Variants in TGFB2 observed in about 807,000 individuals in gnomAD.
TGFB2 encodes the protein transforming growth factor beta 2.
Under a neutral mutation model 42.7 loss-of-function variants are expected in TGFB2, and 13 were observed. The ratio of observed to expected loss-of-function variants is 0.30; its 90% confidence interval spans 0.20 to 0.48. The LOEUF is 0.48. Ranked by LOEUF, TGFB2 falls within the 20% of genes least tolerant of loss-of-function variation. TGFB2 has a pLI of 0.99. For missense variants in TGFB2, 390 were observed against 517.5 expected (o/e 0.75, Z 2.39); for synonymous variants, 193 against 193.6 (o/e 1.00, Z 0.03).
intron 1 of TGFB2, among the ~76,000 whole-genome samples, chr1:218,395,931 G>T (rs1436391882): frequency 6.6e-6 from 1 of 152,112 alleles, no homozygotes; most frequent in Non-Finnish European, 1.5e-5. Context: ...CTTTATCTGT[G>T]AAATGGGGAT....
Position 218,346,990 on chromosome 1 carries a change from G to C in TGFB2, c.289G>C (p.Glu97Gln). The change falls in exon 1 of 7, where the codon GAG becomes CAG. Residue 97 changes from glutamate to glutamine, a missense_variant. Coordinates refer to ENST00000366930, the MANE Select transcript of TGFB2 (RefSeq NM_003238.6). The surrounding 1 kb of genome is among the most constrained non-coding windows in gnomAD (Gnocchi z 4.9). ...AACERERSDE[E>Q]YYAKEVYKID... ...CTGCGAGCGCGAGAGGAGCGACGAA[G>C]AGTACTACGCCAAGGAGGTTTACAA... 1.9e-6 allele frequency: 3 copies of C among 1,612,718 alleles called. No homozygotes were observed. Among genetic ancestry groups the C allele is most frequent in the Non-Finnish European group, 2.5e-6 (3 of 1,179,368 alleles).
intron 2 of TGFB2, among the ~76,000 whole-genome samples, chr1:218,406,069 T>C (rs924785532): frequency 6.6e-6 from 1 of 152,100 alleles, no homozygotes; most frequent in African/African-American, 2.4e-5. Flanking sequence ...TGTTTTCTTA[T>C]TGTCTTCTCT....
chr1:218,381,804 A>G (rs1657970344), intron 1 of TGFB2, among the ~76,000 whole-genome samples: 1 of 152,078 alleles, frequency 6.6e-6, no homozygotes, highest in African/African-American at 2.4e-5. Context: ...GTAGTAGATG[A>G]GATAGTGCTA....
chr1:218,383,687 G>T (rs1439518758), intron 1 of TGFB2, among the ~76,000 whole-genome samples: 1 of 152,178 alleles, frequency 6.6e-6, no homozygotes, highest in Non-Finnish European at 1.5e-5. Context: ...TTTACTGAAG[G>T]ATTTTCACAC....
At chr1:218,407,002 AT>A (rs1242314815) in intron 2 of TGFB2, among the ~76,000 whole-genome samples, 1 of 152,212 alleles carries the variant, frequency 6.6e-6, no homozygotes, top group African/African-American at 2.4e-5. Context: ...TAGGATCAAA[AT>A]TTTCTTTGTA....
chr1:218,428,379 CTTTTGGTGT>C (rs1399997318), intron 2 of TGFB2, among the ~76,000 whole-genome samples: 1 of 152,142 alleles, frequency 6.6e-6, no homozygotes, highest in Non-Finnish European at 1.5e-5. Flanking sequence ...GTTGCCATTG[CTTTTGGTGT>C]TTTAGACATG....
intron 2 of TGFB2, among the ~76,000 whole-genome samples, chr1:218,413,643 G>C (rs1659176439): frequency 6.6e-6 from 1 of 152,210 alleles, no homozygotes; most frequent in Non-Finnish European, 1.5e-5. Flanking sequence ...TGGTGTAAAA[G>C]TGACTCAACT....
At chr1:218,432,350 T>G (rs562403447) in intron 2 of TGFB2, among the ~76,000 whole-genome samples, 8 of 152,236 alleles carry the variant, frequency 5.3e-5, no homozygotes, top group Admixed American at 2.0e-4. Flanking sequence ...GAGCCATTGT[T>G]GCCTCCACAT....
chr1:218,434,492 A>T, intron 4 of TGFB2, 44 bp downstream of exon 4: 1 of 1,224,924 alleles, frequency 8.2e-7, no homozygotes, highest in Non-Finnish European at 1.2e-6. Context: ...GGAAGGGTCT[A>T]TATTGATAAT....
intron 1 of TGFB2, among the ~76,000 whole-genome samples, chr1:218,348,961 C>T (rs1028900012): frequency 1.7e-4 from 26 of 152,160 alleles, no homozygotes; most frequent in Admixed American, 6.5e-4. Context: ...TTCTCTGAAG[C>T]ACACTTCAGT....
intron 4 of TGFB2, 97 bp from the exon 5 acceptor site, chr1:218,435,873 C>T: frequency 8.0e-7 from 1 of 1,249,456 alleles, no homozygotes; most frequent in Non-Finnish European, 1.1e-6. Context: ...GTGGTCATCA[C>T]TGCTATTTGT....
intron 4 of TGFB2, 102 bp downstream of exon 4, chr1:218,434,550 G>C: frequency 1.4e-6 from 1 of 728,158 alleles, no homozygotes; most frequent in Non-Finnish European, 2.3e-6. Flanking sequence ...GACTGGTAAG[G>C]CCTGGGGAGT....
chr1:218,367,959 C>G (rs572052318), intron 1 of TGFB2, among the ~76,000 whole-genome samples: 1 of 152,070 alleles, frequency 6.6e-6, no homozygotes, highest in Non-Finnish European at 1.5e-5. Context: ...CACGCCGCCA[C>G]TCCCAGCTAA....
rs116351228 is a variant in TGFB2 at position 218,413,515 on chromosome 1, T to C, written c.510+8183T>C. On this transcript the variant is annotated intron_variant, in intron 2 of 6. Transcript: ENST00000366930. ...TCTACAGAGAGGCAGGGCATCCAGC[T>C]TCAGCTGAAGCCACCGCTAGCATGG... Among the ~76,000 whole-genome samples, 1,360 of 152,316 alleles carry C rather than the reference T, an allele frequency of 8.9e-3. 17 individuals carry two copies. Among genetic ancestry groups the C allele is most frequent in the African/African-American group, 0.031 (1,272 of 41,578 alleles).
chr1:218,388,643 C>T (rs1225748317), intron 1 of TGFB2, among the ~76,000 whole-genome samples: 1 of 152,196 alleles, frequency 6.6e-6, no homozygotes, highest in East Asian at 1.9e-4. Context: ...ATGTCGGGAG[C>T]CGCTGAATAG....
intron 2 of TGFB2, among the ~76,000 whole-genome samples, chr1:218,418,238 A>G (rs1172446895): frequency 6.6e-6 from 1 of 152,230 alleles, no homozygotes; most frequent in East Asian, 1.9e-4. Flanking sequence ...GCCCAAGGCC[A>G]TGGGAGCCCA....
chr1:218,405,580 G>A, intron 2 of TGFB2: 3 of 531,904 alleles, frequency 5.6e-6, no homozygotes. Flanking sequence ...TGTTGCCCTG[G>A]CTGATCTGGA....
chr1:218,375,153 AT>A (rs1389932645), intron 1 of TGFB2, among the ~76,000 whole-genome samples: 1 of 152,174 alleles, frequency 6.6e-6, no homozygotes, highest in Non-Finnish European at 1.5e-5. Context: ...ATGGGCCTCT[AT>A]GTTTCTTTTG....
chr1:218,440,333 TA>T (rs34457023), intron 6 of TGFB2, among the ~76,000 whole-genome samples: 1 of 141,974 alleles, frequency 7.0e-6, no homozygotes, highest in South Asian at 2.3e-4. Context: ...GAAGCAATGG[TA>T]AAAAAACAGG....
Sources: gnomAD v4.1 joint callset for allele counts (sites outside exome capture counted in the v4.1 genomes callset) on GRCh38, gnomAD v4.1.1 for gene constraint, Gnocchi (gnomAD v3.1) non-coding constraint, MANE v1.5 for transcripts, NCBI Gene and HGNC (gene_info 2026-07-23, HGNC 2026-07-21) for gene names.